ID4: variants seen among roughly 807,000 people sequenced by gnomAD.
ID4 encodes the protein inhibitor of DNA binding 4.
In ID4, 9 loss-of-function variants were observed where a neutral mutation model predicts 8.6. The ratio of observed to expected loss-of-function variants is 1.04; its 90% confidence interval spans 0.63 to 1.82. The LOEUF is 1.82. ID4 is among the 40% of genes most tolerant of loss of function. ID4 has a pLI of 0.00. For synonymous variants in ID4, 180 were observed against 118.0 expected, an observed-to-expected ratio of 1.53 and a Z score of -3.41; for missense variants, 270 against 235.1, an observed-to-expected ratio of 1.15 and a Z score of -0.97.
At chr6:19,838,406 G>C (rs1032546619) in intron 1 of ID4, among the ~76,000 whole-genome samples, 178 bp from the exon 2 acceptor site, 47 of 152,136 alleles carry the variant, frequency 3.1e-4, no homozygotes, top group Admixed American at 3.1e-3. Flanking sequence ...GGCGGGACTC[G>C]GGGCTGTGGG....
At chr6:19,838,894 C>A (rs1761294064) in intron 2 of ID4, 11 of 550,558 alleles carry the variant, frequency 2.0e-5, no homozygotes, top group Non-Finnish European at 3.6e-5. Flanking sequence ...TTCTGGTGGT[C>A]AGCGGGCTCT....
In ID4 at chr6:19,837,637, G is replaced by A. The variant is rs1424016476; in HGVS notation, c.-118G>A. The stretch of plus-strand genomic sequence containing the variant: ...GGGCTCGGGAGTGTCGCGGTGCCCC[G>A]AGCGCGCCGGGCGCGGAGGCAAAGG... On this transcript the variant is annotated 5_prime_UTR_variant, in exon 1 of 3. Transcript: ENST00000378700. 3.1e-6 allele frequency: 2 copies of A among 651,732 alleles called. No homozygotes were observed. Among genetic ancestry groups the A allele is most frequent in the Non-Finnish European group, 3.9e-6 (2 of 509,212 alleles). The allele number at this position is 651,732 out of a possible 1,614,324, so 40.4% of individuals were successfully genotyped here.
intron 2 of ID4, 100 bp from the exon 3 acceptor site, chr6:19,839,110 T>G (rs1419726120): frequency 1.1e-5 from 2 of 181,524 alleles, no homozygotes; most frequent in Non-Finnish European, 2.3e-5. Context: ...GTGGTTTGTT[T>G]TGGGTTGTTG....
rs143397929 is a variant in ID4, at chr6:19,837,961, C to T, written c.207C>T (p.Asn69=). The T allele has an allele frequency of 6.2e-4, 977 of 1,563,660 alleles. 4 individuals are homozygous for T. The Middle Eastern group carries it at 0.023, about 36-fold the overall frequency. The change falls in exon 1 of 3, where the codon AAC becomes AAT. Residue 69 remains asparagine (N), a synonymous_variant. Coordinates refer to ENST00000378700, the MANE Select transcript of ID4 (RefSeq NM_001546.4). ...EPALCLQCDM[N]DCYSRLRRLV... Reference sequence around the variant, plus strand: ...CGCTGTGCCTGCAGTGCGATATGAACGACTGCTATAGCCGCCTGCGGAGGC... The same window carrying T: ...CGCTGTGCCTGCAGTGCGATATGAATGACTGCTATAGCCGCCTGCGGAGGC...
intron 1 of ID4, 82 bp from the exon 2 acceptor site, chr6:19,838,501 AT>A: frequency 6.3e-7 from 1 of 1,581,192 alleles, no homozygotes; most frequent in Non-Finnish European, 8.7e-7. Context: ...CGCCAGCCTG[AT>A]TTCCGAGGAC....
chr6:19,838,324 GCTC>G, intron 1 of ID4, 129 bp downstream of exon 1: 3 of 1,019,142 alleles, frequency 2.9e-6, no homozygotes, highest in Non-Finnish European at 3.9e-6. Flanking sequence ...CCCTCCCCCT[GCTC>G]CTCCGGGCTC....
In ID4 at chr6:19,840,585, A is replaced by C. The variant is rs912621683; in HGVS notation, c.*1390A>C. 2 of 152,612 alleles carry C rather than the reference A, an allele frequency of 1.3e-5. No homozygotes were observed. Among genetic ancestry groups the C allele is most frequent in the Non-Finnish European group, 2.9e-5 (2 of 68,002 alleles). The allele number at this position is 152,612 out of a possible 1,614,324, so 9.5% of individuals were successfully genotyped here. A position where few individuals can be genotyped will look rare whatever the true frequency, so the allele number is the denominator to read the frequency against. Reference sequence around the variant, plus strand: ...GCATCTAGATTATTTTTTTATAAAAATGATTTTCACTATAGCTATGTTACG... The same window carrying C: ...GCATCTAGATTATTTTTTTATAAAACTGATTTTCACTATAGCTATGTTACG... On this transcript the variant is annotated 3_prime_UTR_variant, in exon 3 of 3. Coordinates refer to ENST00000378700, the MANE Select transcript of ID4 (RefSeq NM_001546.4).
At position 19,842,138 on chromosome 6, in the gene ID4, G is replaced by A. The variant is rs1012037878; in HGVS notation, c.*2943G>A. Among the ~76,000 whole-genome samples, 2 of 151,950 alleles carry A rather than the reference G, an allele frequency of 1.3e-5. No homozygotes were observed. Among genetic ancestry groups the A allele is most frequent in the African/African-American group, 4.8e-5 (2 of 41,368 alleles). On this transcript the variant is annotated 3_prime_UTR_variant, in exon 3 of 3. Coordinates refer to ENST00000378700, the MANE Select transcript of ID4 (RefSeq NM_001546.4). ...CCTTTTTAGAACTTTTTAAAATTTC[G>A]AGCCCACAAATCTATTGTATTAGTT... is the stretch of plus-strand genomic sequence containing the variant.
chr6:19,841,262 T>C lies in ID4; in HGVS notation c.*2067T>C, dbSNP rs1047014. Among the ~76,000 whole-genome samples, 33,730 of 152,186 alleles carry C rather than the reference T, an allele frequency of 0.22. 3,978 individuals are homozygous for C. Among genetic ancestry groups the C allele is most frequent in the Non-Finnish European group, 0.25 (17,132 of 67,986 alleles). Reference sequence around the variant, plus strand: ...GTTTAGATGAGGTTTATTTTTATTTTTGATATTATTCATTCTTGTCACACA... The same window carrying C: ...GTTTAGATGAGGTTTATTTTTATTTCTGATATTATTCATTCTTGTCACACA... On this transcript the variant is annotated 3_prime_UTR_variant, in exon 3 of 3. Coordinates refer to ENST00000378700, the MANE Select transcript of ID4 (RefSeq NM_001546.4).
Position 19,837,841 on chromosome 6 carries a change from C to A in ID4, c.87C>A (p.Ala29=). ...GGGAGCTGGCGCTGCGCTGCCTGGC[C>A]GAGCACGGCCACAGCCTGGGTGGCT... The part of the protein sequence containing the change: ...GGGELALRCL[A]EHGHSLGGSA... The change falls in exon 1 of 3, where the codon GCC becomes GCA. Residue 29 remains alanine (A), a synonymous_variant. Coordinates refer to ENST00000378700, the MANE Select transcript of ID4 (RefSeq NM_001546.4). The A allele has an allele frequency of 8.5e-7, 1 of 1,173,718 alleles. No individual in the cohort carries two copies. Among genetic ancestry groups the A allele is most frequent in the Non-Finnish European group, 1.1e-6 (1 of 950,054 alleles). The allele number at this position is 1,173,718 out of a possible 1,614,324, so 72.7% of individuals were successfully genotyped here. A position where few individuals can be genotyped will look rare whatever the true frequency, so the allele number is the denominator to read the frequency against.
chr6:19,838,033 C>T lies in ID4; in HGVS notation c.279C>T (p.Ile93=), dbSNP rs780071201. Reference sequence around the variant, plus strand: ...ACAAGAAAGTCAGCAAAGTGGAGATCCTGCAGCACGTTATCGACTACATCC... The same window carrying T: ...ACAAGAAAGTCAGCAAAGTGGAGATTCTGCAGCACGTTATCGACTACATCC... The part of the protein sequence containing the change: ...PPNKKVSKVE[I]LQHVIDYILD... Residue 93 remains isoleucine, a synonymous_variant, in exon 1 of 3, where the codon ATC becomes ATT. Transcript: ENST00000378700. 51 of 1,606,198 alleles carry T rather than the reference C, an allele frequency of 3.2e-5. No homozygotes were observed. Among genetic ancestry groups the T allele is most frequent in the East Asian group, 2.7e-4 (12 of 44,452 alleles).
chr6:19,838,456 C>A, intron 1 of ID4, 128 bp from the exon 2 acceptor site: 3 of 1,303,234 alleles, frequency 2.3e-6, no homozygotes, highest in South Asian at 1.2e-5. Flanking sequence ...CCGGAGGGGC[C>A]CCCCCGGCTA....
At position 19,838,640 on chromosome 6, in the gene ID4, C is replaced by A; in HGVS notation, c.*12C>A. On this transcript the variant is annotated splice_region_variant and 3_prime_UTR_variant, in exon 2 of 3. Transcript: ENST00000378700. ...TTCTGTGCCGCTGAGCCGCGCTGTC[C>A]AGGTGAGCGCGCATTTCCCGTCTCG... 2 of 1,613,524 alleles carry A rather than the reference C, an allele frequency of 1.2e-6. No individual in the cohort carries two copies. Among genetic ancestry groups the A allele is most frequent in the South Asian group, 2.2e-5 (2 of 91,040 alleles).
chr6:19,838,772 C>G (rs1249345768), intron 2 of ID4, 130 bp downstream of exon 2: 1 of 706,898 alleles, frequency 1.4e-6, no homozygotes, highest in South Asian at 1.8e-5. Context: ...GGAAGTAAAT[C>G]CCCTCTCTCC....
chr6:19,838,236 G>T (rs1041487082), intron 1 of ID4, 41 bp downstream of exon 1: 6 of 1,321,196 alleles, frequency 4.5e-6, no homozygotes, highest in East Asian at 3.2e-5. Flanking sequence ...CGCCGCGGGG[G>T]ATGGGAGGTT....
chr6:19,838,953 C>T (rs1274387204), intron 2 of ID4: 9 of 425,838 alleles, frequency 2.1e-5, no homozygotes, highest in East Asian at 5.1e-5. Flanking sequence ...GGCATGGGAG[C>T]TGCCCCGGTG....
chr6:19,838,666 G>T, intron 2 of ID4, 24 bp downstream of exon 2: 2 of 1,608,352 alleles, frequency 1.2e-6, no homozygotes, highest in Non-Finnish European at 1.7e-6. Context: ...TCCCGTCTCG[G>T]GTGGCCGGTC....
At chr6:19,838,801 G>A (rs747757280) in intron 2 of ID4, 159 bp downstream of exon 2, 45 of 626,168 alleles carry the variant, frequency 7.2e-5, no homozygotes, top group Non-Finnish European at 1.1e-4. Context: ...TAAGTAGCAA[G>A]TAAACCCGTA....
Position 19,839,900 on chromosome 6 carries a change from T to C in ID4, c.*705T>C, listed in dbSNP as rs575438417. 2 of 152,184 alleles carry C rather than the reference T, an allele frequency of 1.3e-5. No homozygotes were observed. The highest frequency in any genetic ancestry group is 4.1e-4 in the South Asian group (2 of 4,826). 9.4% of individuals were successfully genotyped at this position (152,184 alleles called of 1,614,324 possible). A position where few individuals can be genotyped will look rare whatever the true frequency, so the allele number is the denominator to read the frequency against. On this transcript the variant is annotated 3_prime_UTR_variant, in exon 3 of 3. Transcript: ENST00000378700. ...TCATTTTTCAGCTCAATTACAGAGC[T>C]CTTGATATCTTGAATGTCTTTTCTG...
Sources: gnomAD v4.1 joint callset for allele counts (sites outside exome capture counted in the v4.1 genomes callset) on GRCh38, gnomAD v4.1.1 for gene constraint, MANE v1.5 for transcripts, NCBI Gene and HGNC (gene_info 2026-07-23, HGNC 2026-07-21) for gene names.